The following COL25A1 variants were observed in gnomAD, a reference collection of about 807,000 sequenced individuals.
COL25A1 encodes collagen alpha-1(XXV) chain.
A neutral mutation model predicts 128.4 loss-of-function variants in COL25A1; 103 were observed. That is an observed-to-expected ratio of 0.80 (90% CI 0.68 to 0.94). COL25A1 has a LOEUF of 0.94. COL25A1 is among the 40% of genes least tolerant of loss of function. COL25A1 has a pLI of 0.00. For synonymous variants in COL25A1, 279 were observed against 277.2 expected (o/e 1.01, Z -0.06); for missense variants, 745 against 840.0 (o/e 0.89, Z 1.40).
At chr4:109,119,851 A>G (rs906791086) in intron 3 of COL25A1, among the ~76,000 whole-genome samples, 1 of 152,090 alleles carries the variant, frequency 6.6e-6, no homozygotes, top group Non-Finnish European at 1.5e-5. Context: ...CTATCAATCA[A>G]TATCTCTCAT....
chr4:108,822,261 C>G (rs558465049), intron 35 of COL25A1, among the ~76,000 whole-genome samples: 1 of 152,026 alleles, frequency 6.6e-6, no homozygotes, highest in South Asian at 2.1e-4. Context: ...CCAGGCTGGT[C>G]TCAAACTCCT....
rs57842656 is a variant in COL25A1 at position 109,019,375 on chromosome 4, CAT to C, written c.421-9002_421-9001del. Among the ~76,000 whole-genome samples the C allele has an allele frequency of 4.8e-3, 236 of 48,880 alleles. 5 individuals are homozygous for C. The highest frequency in any genetic ancestry group is 6.3e-3 in the Non-Finnish European group (186 of 29,550). 32.1% of individuals were successfully genotyped at this position (48,880 alleles called of 152,430 possible). On this transcript the variant is annotated intron_variant, in intron 5 of 37. Coordinates refer to ENST00000399132, the MANE Select transcript of COL25A1 (RefSeq NM_198721.4). Reference sequence around the variant, plus strand: ...ACACACACACACACACACACACACACATATATATATATATATATATATATTTA... The same window carrying C: ...ACACACACACACACACACACACACACATATATATATATATATATATATTTA...
intron 3 of COL25A1, among the ~76,000 whole-genome samples, chr4:109,096,694 G>A (rs948076138): frequency 2.6e-5 from 4 of 152,126 alleles, no homozygotes; most frequent in Non-Finnish European, 5.9e-5. Flanking sequence ...CAAAGTGTTA[G>A]CTTAATAGAA....
intron 5 of COL25A1, among the ~76,000 whole-genome samples, chr4:109,040,150 T>C (rs1036440439): frequency 6.6e-6 from 1 of 152,178 alleles, no homozygotes; most frequent in Non-Finnish European, 1.5e-5. Context: ...TCTTGATGTC[T>C]TTTTAATTCC....
Position 109,238,804 on chromosome 4 carries a change from C to T in COL25A1, c.367+61779G>A, listed in dbSNP as rs369711137. Among the ~76,000 whole-genome samples, 55 of 152,128 alleles carry T rather than the reference C, an allele frequency of 3.6e-4. No individual in the cohort carries two copies. The East Asian group carries it at 6.4e-3, about 18-fold the overall frequency. ...CTTGGTCCAGATTCCAGAGGGTCTGCCAACTTGCACCCCATTCAGGCATCC... is the reference window on the plus strand; with the variant it reads ...CTTGGTCCAGATTCCAGAGGGTCTGTCAACTTGCACCCCATTCAGGCATCC... On this transcript the variant is annotated intron_variant, in intron 3 of 37. Coordinates refer to ENST00000399132, the MANE Select transcript of COL25A1 (RefSeq NM_198721.4).
chr4:108,935,694 A>C (rs1419910247), intron 11 of COL25A1, among the ~76,000 whole-genome samples: 3 of 152,154 alleles, frequency 2.0e-5, no homozygotes, highest in Non-Finnish European at 4.4e-5. Context: ...GAGCACACTA[A>C]GATAATAATG....
chr4:108,875,438 G>A (rs1288966597), intron 19 of COL25A1, among the ~76,000 whole-genome samples: 1 of 152,192 alleles, frequency 6.6e-6, no homozygotes, highest in African/African-American at 2.4e-5. Flanking sequence ...AGACATTTAT[G>A]CAGCCAACAG....
chr4:109,279,562 C>T (rs554864981), intron 3 of COL25A1, among the ~76,000 whole-genome samples: 38 of 152,256 alleles, frequency 2.5e-4, no homozygotes, highest in Non-Finnish European at 5.3e-4. Flanking sequence ...GGCGACACAG[C>T]AAGACCCTGT....
intron 18 of COL25A1, among the ~76,000 whole-genome samples, chr4:108,887,980 T>G (rs1741023469): frequency 6.6e-6 from 1 of 152,164 alleles, no homozygotes; most frequent in African/African-American, 2.4e-5. Flanking sequence ...CATGGATCTC[T>G]GTATCACTAA....
intron 3 of COL25A1, among the ~76,000 whole-genome samples, chr4:109,204,333 C>T (rs1776816422): frequency 6.6e-6 from 1 of 152,108 alleles, no homozygotes; most frequent in African/African-American, 2.4e-5. Context: ...ATCAGTTTCG[C>T]ATTATAATTT....
intron 6 of COL25A1, among the ~76,000 whole-genome samples, chr4:108,995,108 G>C (rs1754628739): frequency 6.6e-6 from 1 of 152,170 alleles, no homozygotes; most frequent in Non-Finnish European, 1.5e-5. Context: ...AAACTGGATG[G>C]AGAATGAGTT....
chr4:109,269,837 C>A (rs71603019), intron 3 of COL25A1, among the ~76,000 whole-genome samples: 1 of 152,054 alleles, frequency 6.6e-6, no homozygotes, highest in South Asian at 2.1e-4. Context: ...ACTGGCAAAC[C>A]GAATCCAGCA....
chr4:108,974,847 T>C (rs1012895767), intron 6 of COL25A1, among the ~76,000 whole-genome samples: 2 of 152,158 alleles, frequency 1.3e-5, no homozygotes, highest in East Asian at 1.9e-4. Context: ...GTTAAAGAAA[T>C]AGAACATTAC....
At chr4:109,001,027 G>A (rs1364603633) in intron 6 of COL25A1, among the ~76,000 whole-genome samples, 4 of 152,178 alleles carry the variant, frequency 2.6e-5, no homozygotes, top group African/African-American at 9.6e-5. Flanking sequence ...AGTCTAGAAA[G>A]GGCATTAATG....
intron 3 of COL25A1, among the ~76,000 whole-genome samples, chr4:109,073,409 T>C (rs1371478391): frequency 6.6e-6 from 1 of 152,176 alleles, no homozygotes; most frequent in Non-Finnish European, 1.5e-5. Context: ...AGGACAAAAC[T>C]CATGTTCATC....
chr4:109,246,216 G>T (rs1373128135), intron 3 of COL25A1, among the ~76,000 whole-genome samples: 16 of 152,006 alleles, frequency 1.1e-4, no homozygotes, highest in Admixed American at 9.8e-4. Flanking sequence ...TATTCAAATT[G>T]TCCTCAAGGT....
rs1180104512 is a variant in COL25A1 at position 109,000,743 on chromosome 4, C to CAAAAAAAAAAAAAAAAAAAAAAAAAAAAA, written c.438+9614_438+9615insTTTTTTTTTTTTTTTTTTTTTTTTTTTTT. On this transcript the variant is annotated intron_variant, in intron 6 of 37. Coordinates refer to ENST00000399132, the MANE Select transcript of COL25A1 (RefSeq NM_198721.4). Reference sequence around the variant, plus strand: ...CCTGGGCAACAGAGTGAGACTCTGTCAAAAAAAAAAAAAAAAAAAAAAAAA... The same window carrying CAAAAAAAAAAAAAAAAAAAAAAAAAAAAA: ...CCTGGGCAACAGAGTGAGACTCTGTCAAAAAAAAAAAAAAAAAAAAAAAAAAAAAAAAAAAAAAAAAAAAAAAAAAAAAA... 5.5e-5 allele frequency among the ~76,000 whole-genome samples: 2 copies of CAAAAAAAAAAAAAAAAAAAAAAAAAAAAA among 36,428 alleles called. 1 individual carries two copies. Among genetic ancestry groups the CAAAAAAAAAAAAAAAAAAAAAAAAAAAAA allele is most frequent in the African/African-American group, 3.4e-4 (2 of 5,830 alleles). 23.9% of individuals were successfully genotyped at this position (36,428 alleles called of 152,430 possible).
chr4:109,168,447 C>T (rs1235652524), intron 3 of COL25A1, among the ~76,000 whole-genome samples: 5 of 152,170 alleles, frequency 3.3e-5, no homozygotes, highest in Admixed American at 3.3e-4. Context: ...AGTTATGATT[C>T]TTCCTTTGAC....
At chr4:109,190,473 A>G (rs542708329) in intron 3 of COL25A1, among the ~76,000 whole-genome samples, 1 of 152,338 alleles carries the variant, frequency 6.6e-6, no homozygotes, top group South Asian at 2.1e-4. Flanking sequence ...ACATATATCC[A>G]CACTCCTATG....
Sources: allele counts gnomAD v4.1 joint callset (sites outside exome capture counted in the v4.1 genomes callset), GRCh38; gene constraint gnomAD v4.1.1; transcripts MANE v1.5; gene names NCBI Gene and HGNC (gene_info 2026-07-23, HGNC 2026-07-21).